Variants in AGXT2 observed in about 807,000 individuals in gnomAD.
The protein encoded by AGXT2 is alanine--glyoxylate aminotransferase 2.
In AGXT2, 61 loss-of-function variants were observed where a neutral mutation model predicts 62.5. The observed-to-expected ratio is 0.98, with a 90% confidence interval of 0.79 to 1.21. The LOEUF (loss-of-function observed/expected upper bound fraction) is 1.21. Among genes scored for constraint, AGXT2 ranks in the 50% most tolerant of loss-of-function variants. AGXT2 has a pLI of 0.00. For missense variants in AGXT2, 666 were observed against 641.5 expected (o/e 1.04, Z -0.41); for synonymous variants, 243 against 218.7 (o/e 1.11, Z -0.98).
At chr5:35,015,347 C>T (rs746709293) in intron 9 of AGXT2, among the ~76,000 whole-genome samples, 4 of 152,136 alleles carry the variant, frequency 2.6e-5, no homozygotes, top group Non-Finnish European at 5.9e-5. Context: ...GACAGGGTGG[C>T]AGAATTGCCT....
chr5:35,037,125 C>G, intron 3 of AGXT2, 60 bp from the exon 4 acceptor site: 1 of 1,610,190 alleles, frequency 6.2e-7, no homozygotes. Flanking sequence ...CTGCACACAC[C>G]CTGGTCATTG....
chr5:35,045,988 C>T (rs37380), intron 1 of AGXT2, among the ~76,000 whole-genome samples: 51,960 of 151,680 alleles, frequency 0.34, 9,229 homozygotes, highest in South Asian at 0.44. Context: ...AGGATGGTCT[C>T]GATCTCCTGA....
intron 1 of AGXT2, among the ~76,000 whole-genome samples, chr5:35,044,422 A>T (rs1248490213): frequency 6.6e-6 from 1 of 152,200 alleles, no homozygotes; most frequent in Non-Finnish European, 1.5e-5. Context: ...CGCTCCGGAC[A>T]TGATCTCTCA....
intron 11 of AGXT2, among the ~76,000 whole-genome samples, chr5:35,010,395 A>G (rs963840498): frequency 3.9e-4 from 60 of 152,304 alleles, no homozygotes; most frequent in African/African-American, 1.4e-3. Context: ...TTAGGAAATA[A>G]TAGGCCAGGC....
intron 9 of AGXT2, among the ~76,000 whole-genome samples, chr5:35,016,694 C>T (rs2112211000): frequency 6.6e-6 from 1 of 152,282 alleles, no homozygotes; most frequent in East Asian, 1.9e-4. Flanking sequence ...GCCCCAACAT[C>T]TTATTGCTTG....
rs536786734 is a variant in AGXT2, at chr5:35,013,039, G to A, written c.1103C>T (p.Ala368Val). 3.2e-6 allele frequency: 5 copies of A among 1,551,620 alleles called. No individual in the cohort carries two copies. In the South Asian group the frequency reaches 5.9e-5, roughly 18 times the overall value. ...CTGCAGGCATTTCGCCAAAGATTTG[G>A]CAATCTCTAGAGGGAGAAAATAGAA... ...MAAVITTPEIAKSLAKCLQHF... is the reference protein window; with the variant it reads ...MAAVITTPEIVKSLAKCLQHF... The change falls in exon 11 of 14, where the codon GCC becomes GTC. Residue 368 changes from alanine to valine, a missense_variant. By Grantham distance (64) the Ala-to-Val change is moderately conservative. Transcript: ENST00000231420.
At chr5:35,043,234 C>T (rs191585937) in intron 1 of AGXT2, among the ~76,000 whole-genome samples, 31 of 152,142 alleles carry the variant, frequency 2.0e-4, no homozygotes, top group African/African-American at 4.8e-4. Context: ...GTAATGATAA[C>T]GAGTTTTTCA....
At chr5:35,001,649 C>G (rs1414642436) in intron 13 of AGXT2, among the ~76,000 whole-genome samples, 1 of 152,164 alleles carries the variant, frequency 6.6e-6, no homozygotes, top group Admixed American at 6.5e-5. Flanking sequence ...GGGCTTCATA[C>G]CAGCTCCACT....
chr5:35,017,202 G>A (rs1455798895), intron 9 of AGXT2, among the ~76,000 whole-genome samples: 1 of 152,166 alleles, frequency 6.6e-6, no homozygotes, highest in Admixed American at 6.5e-5. Context: ...TTTTGGAGGG[G>A]CAGCTTGATA....
At chr5:35,039,660 C>A in intron 2 of AGXT2, 152 bp from the exon 3 acceptor site, 1 of 710,154 alleles carries the variant, frequency 1.4e-6, no homozygotes, top group Non-Finnish European at 2.3e-6. Context: ...CAATATCGTC[C>A]CTGCAAGAAA....
intron 7 of AGXT2, among the ~76,000 whole-genome samples, chr5:35,029,049 G>A (rs574134029): frequency 6.6e-6 from 1 of 152,196 alleles, no homozygotes. Flanking sequence ...GATTGACAGA[G>A]GTACCTGATA....
At chr5:35,032,589 G>A (rs1767609694) in intron 7 of AGXT2, 143 bp downstream of exon 7, 6 of 744,110 alleles carry the variant, frequency 8.1e-6, no homozygotes, top group Non-Finnish European at 1.4e-5. Context: ...GGAATAACTT[G>A]GTTACTTTCC....
chr5:35,029,179 T>C (rs1445868784), intron 7 of AGXT2, among the ~76,000 whole-genome samples: 2 of 152,182 alleles, frequency 1.3e-5, no homozygotes, highest in Non-Finnish European at 2.9e-5. Flanking sequence ...AAGAATATAG[T>C]AGACAAATAA....
chr5:35,034,520 C>T (rs1767695447), intron 5 of AGXT2, among the ~76,000 whole-genome samples: 1 of 152,106 alleles, frequency 6.6e-6, no homozygotes, highest in Admixed American at 6.5e-5. Context: ...TTATTCATTC[C>T]ATCAACTTTT....
chr5:35,027,819 C>A (rs1450432182), intron 7 of AGXT2, among the ~76,000 whole-genome samples: 2 of 149,174 alleles, frequency 1.3e-5, no homozygotes, highest in Admixed American at 6.8e-5. Flanking sequence ...AGGAAGTGAG[C>A]GTTCACAATG....
chr5:35,038,729 CATGAA>C (rs1029771716), intron 3 of AGXT2, among the ~76,000 whole-genome samples: 1 of 152,178 alleles, frequency 6.6e-6, no homozygotes, highest in African/African-American at 2.4e-5. Flanking sequence ...AGAGAACAGA[CATGAA>C]ATGAGAGCAC....
At chr5:35,011,063 G>A (rs2112191476) in intron 11 of AGXT2, among the ~76,000 whole-genome samples, 1 of 152,276 alleles carries the variant, frequency 6.6e-6, no homozygotes, top group African/African-American at 2.4e-5. Context: ...TTTTTATTTA[G>A]CTGACAATAA....
chr5:35,010,012 C>G lies in AGXT2; in HGVS notation c.1326G>C (p.Met442Ile). Reference sequence around the variant, plus strand: ...GATTAGCACCTACCTTATCCTGCACCATTTCTATGCCTATCATGAGACCTT... The same window carrying G: ...GATTAGCACCTACCTTATCCTGCACGATTTCTATGCCTATCATGAGACCTT... The part of the protein sequence containing the change: ...RGKGLMIGIE[M>I]VQDKISCRPL... Residue 442 changes from methionine (M) to isoleucine (I), a missense_variant, in exon 12 of 14, where the codon ATG becomes ATC. Transcript: ENST00000231420. 1 of 1,614,208 alleles carries G rather than the reference C, an allele frequency of 6.2e-7. No homozygotes were observed. Among genetic ancestry groups the G allele is most frequent in the Non-Finnish European group, 8.5e-7 (1 of 1,180,040 alleles).
chr5:35,026,840 G>A lies in AGXT2; in HGVS notation c.770-330C>T, dbSNP rs113841936. ...ATAGCTGTTTCACCTAAGGATGCCC[G>A]TCCTCTCAAACAGGTGGATCTAATT... is the stretch of plus-strand genomic sequence containing the variant. On this transcript the variant is annotated intron_variant, in intron 7 of 13. Coordinates refer to ENST00000231420, the MANE Select transcript of AGXT2 (RefSeq NM_031900.4). The A allele has an allele frequency of 9.1e-6, 9 of 985,008 alleles. 1 individual carries two copies. The highest frequency in any genetic ancestry group is 7.0e-5 in the African/African-American group (4 of 57,340). 61.0% of individuals were successfully genotyped at this position (985,008 alleles called of 1,614,324 possible).
Sources: gnomAD v4.1 joint callset for allele counts (sites outside exome capture counted in the v4.1 genomes callset) on GRCh38, gnomAD v4.1.1 for gene constraint, MANE v1.5 for transcripts, NCBI Gene and HGNC (gene_info 2026-07-23, HGNC 2026-07-21) for gene names.